Variants in PTPRO observed in about 807,000 individuals in gnomAD.
PTPRO encodes the protein receptor-type tyrosine-protein phosphatase O.
Under a neutral mutation model 145.2 loss-of-function variants are expected in PTPRO, and 62 were observed. The observed-to-expected ratio is 0.43, with a 90% CI of 0.35 to 0.53. The LOEUF (loss-of-function observed/expected upper bound fraction) is 0.53, where lower values mean the gene tolerates loss of function less well. PTPRO is among the 20% of genes least tolerant of loss of function. PTPRO has a pLI of 0.01. For synonymous variants in PTPRO, 565 were observed against 514.7 expected, an observed-to-expected ratio of 1.10 and a Z score of -1.32; for missense variants, 1,345 against 1,482.7, an observed-to-expected ratio of 0.91 and a Z score of 1.53.
At chr12:15,513,308 A>T (rs904465423) in intron 7 of PTPRO, among the ~76,000 whole-genome samples, 2 of 150,226 alleles carry the variant, frequency 1.3e-5, no homozygotes, top group East Asian at 3.9e-4. Context: ...AGGAAGGGAA[A>T]CTCTCTATCA....
chr12:15,509,169 A>C (rs887864290), intron 7 of PTPRO, among the ~76,000 whole-genome samples: 1 of 152,188 alleles, frequency 6.6e-6, no homozygotes, highest in African/African-American at 2.4e-5. Flanking sequence ...GAATGATGAG[A>C]GTCCAGAGGA....
chr12:15,580,653 T>TTG (rs1565443463), intron 21 of PTPRO, 44 bp from the exon 22 acceptor site: 1 of 1,613,570 alleles, frequency 6.2e-7, no homozygotes. Flanking sequence ...CATTTGGTGT[T>TTG]GACAGTGTCT....
intron 1 of PTPRO, among the ~76,000 whole-genome samples, chr12:15,353,290 A>T (rs767238301): frequency 2.6e-5 from 4 of 152,204 alleles, no homozygotes; most frequent in Non-Finnish European, 4.4e-5. Flanking sequence ...GATAAAAATT[A>T]AAAAGATGAA....
intron 24 of PTPRO, 80 bp downstream of exon 24, chr12:15,587,131 T>G: frequency 2.7e-6 from 4 of 1,484,178 alleles, no homozygotes; most frequent in Non-Finnish European, 3.7e-6. Context: ...CCATAAGCCC[T>G]TATCAGGTTT....
At chr12:15,500,587 G>A (rs1370260172) in intron 4 of PTPRO, among the ~76,000 whole-genome samples, 1 of 152,090 alleles carries the variant, frequency 6.6e-6, no homozygotes, top group Non-Finnish European at 1.5e-5. Flanking sequence ...GAGGTACAAA[G>A]TTATTTAACA....
Position 15,413,369 on chromosome 12 carries a change from A to G in PTPRO, c.76-70605A>G, listed in dbSNP as rs573103708. The stretch of plus-strand genomic sequence containing the variant: ...CACCTGGGTTTCTCAAAGCGCTGGG[A>G]TTATAGGCTTGAACCTGGCCTGATT... On this transcript the variant is annotated intron_variant, in intron 1 of 26. Coordinates refer to ENST00000281171, the MANE Select transcript of PTPRO (RefSeq NM_030667.3). 3.3e-5 allele frequency among the ~76,000 whole-genome samples: 5 copies of G among 152,290 alleles called. No homozygotes were observed. In the South Asian group the frequency reaches 1.0e-3, roughly 32 times the overall value.
chr12:15,495,389 C>T (rs1465880562), intron 2 of PTPRO, among the ~76,000 whole-genome samples: 3 of 148,662 alleles, frequency 2.0e-5, no homozygotes, highest in African/African-American at 7.5e-5. Flanking sequence ...TTGAGACATA[C>T]TAGATCCTCA....
Position 15,497,322 on chromosome 12 carries a change from T to C in PTPRO, c.427T>C (p.Tyr143His). The change falls in exon 3 of 27, where the codon TAT becomes CAT. Residue 143 changes from tyrosine to histidine, a missense_variant. By Grantham distance (83) the Tyr-to-His change is moderately conservative. Around this residue, in one of 3 missense-constraint regions of PTPRO, gnomAD observed 1,130 missense variants for 1,214.7 expected, o/e 0.93. Coordinates refer to ENST00000281171, the MANE Select transcript of PTPRO (RefSeq NM_030667.3). ...PETGVLFEIH[Y>H]PEKYNVFTRV... ...AACAGGAGTCCTGTTTGAAATACAT[T>C]ATCCAGAAAAATATAACGTTTTCAC... The C allele has an allele frequency of 6.2e-7, 1 of 1,606,224 alleles. No individual in the cohort carries two copies. The highest frequency in any genetic ancestry group is 1.7e-5 in the Admixed American group (1 of 60,000).
At chr12:15,401,474 C>T (rs1414248917) in intron 1 of PTPRO, among the ~76,000 whole-genome samples, 2 of 152,146 alleles carry the variant, frequency 1.3e-5, no homozygotes, top group East Asian at 3.8e-4. Context: ...CTAAAATATA[C>T]CTGTTCATAG....
chr12:15,363,989 T>C (rs1430886314), intron 1 of PTPRO, among the ~76,000 whole-genome samples: 2 of 152,198 alleles, frequency 1.3e-5, no homozygotes, highest in Non-Finnish European at 2.9e-5. Flanking sequence ...AAGATGTAGC[T>C]TAATGAAATT....
chr12:15,515,649 AC>A (rs1565677569), intron 8 of PTPRO, 31 bp downstream of exon 8: 4 of 1,613,492 alleles, frequency 2.5e-6, no homozygotes. Context: ...AGAATGACTG[AC>A]CTATATATTA....
chr12:15,396,403 T>G (rs1240087389), intron 1 of PTPRO, among the ~76,000 whole-genome samples: 1 of 152,082 alleles, frequency 6.6e-6, no homozygotes, highest in Admixed American at 6.6e-5. Context: ...AAAACATAAA[T>G]TTCTTAAGAA....
At chr12:15,520,690 T>A (rs1367986744) in intron 10 of PTPRO, among the ~76,000 whole-genome samples, 2 of 152,194 alleles carry the variant, frequency 1.3e-5, no homozygotes, top group African/African-American at 4.8e-5. Context: ...ATTTTCTTAT[T>A]AATTAAGCCA....
chr12:15,431,443 C>G (rs1011380597), intron 1 of PTPRO, among the ~76,000 whole-genome samples: 1 of 152,198 alleles, frequency 6.6e-6, no homozygotes, highest in Non-Finnish European at 1.5e-5. Context: ...CTCACTTCAA[C>G]TTTTCAAAAA....
intron 2 of PTPRO, among the ~76,000 whole-genome samples, chr12:15,487,037 C>A (rs1230175129): frequency 1.3e-5 from 2 of 152,060 alleles, no homozygotes; most frequent in African/African-American, 4.8e-5. Flanking sequence ...CTCAGTGTTT[C>A]AGTTTCACCC....
chr12:15,355,774 T>G (rs1480452815), intron 1 of PTPRO, among the ~76,000 whole-genome samples: 1 of 152,214 alleles, frequency 6.6e-6, no homozygotes, highest in Admixed American at 6.5e-5. Context: ...TTTGTAAGTA[T>G]AAACTAAAGT....
At chr12:15,570,031 A>G (rs1054162886) in intron 19 of PTPRO, among the ~76,000 whole-genome samples, 1 of 152,326 alleles carries the variant, frequency 6.6e-6, no homozygotes, top group East Asian at 1.9e-4. Flanking sequence ...TTGGGGAGAT[A>G]AAGTTACACA....
intron 1 of PTPRO, among the ~76,000 whole-genome samples, chr12:15,479,994 G>T (rs1941744280): frequency 6.6e-6 from 1 of 152,172 alleles, no homozygotes; most frequent in Admixed American, 6.5e-5. Context: ...CCTTTCGGTT[G>T]TGTGGGCTGC....
chr12:15,557,004 T>C (rs1331228150), intron 15 of PTPRO, among the ~76,000 whole-genome samples: 1 of 151,842 alleles, frequency 6.6e-6, no homozygotes, highest in East Asian at 1.9e-4. Context: ...AGGGAACATA[T>C]GGAACTTCTA....
Sources: allele counts gnomAD v4.1 joint callset (sites outside exome capture counted in the v4.1 genomes callset), GRCh38; gene constraint gnomAD v4.1.1; regional missense constraint gnomAD v4.1.1; transcripts MANE v1.5; gene names NCBI Gene and HGNC (gene_info 2026-07-23, HGNC 2026-07-21).